Variants in BRD7 observed in about 807,000 individuals in gnomAD.
BRD7 encodes bromodomain containing 7.
BRD7 carries 15 observed loss-of-function variants against 82.1 expected under a neutral mutation model. The ratio of observed to expected loss-of-function variants is 0.18; its 90% CI spans 0.12 to 0.28. The LOEUF is 0.28. Ranked by LOEUF, BRD7 falls within the 10% of genes least tolerant of loss-of-function variation. The probability of loss-of-function intolerance (pLI) is 1.00; values close to 1 mark genes in which losing one functional copy is unlikely to be tolerated. For synonymous variants in BRD7, 232 were observed against 266.9 expected, an observed-to-expected ratio of 0.87 and a Z score of 1.27; for missense variants, 638 against 779.9, an observed-to-expected ratio of 0.82 and a Z score of 2.17.
chr16:50,354,506 G>C, intron 3 of BRD7, 24 bp from the exon 4 acceptor site: 3 of 1,595,028 alleles, frequency 1.9e-6, no homozygotes, highest in Non-Finnish European at 2.6e-6. Context: ...GAAGGGAAAA[G>C]GGTATTTTAA....
chr16:50,363,813 T>C (rs2039034140), intron 2 of BRD7, among the ~76,000 whole-genome samples: 1 of 152,192 alleles, frequency 6.6e-6, no homozygotes, highest in Non-Finnish European at 1.5e-5. Context: ...CTAGTACTTT[T>C]GGGAGGCTGA....
At chr16:50,321,012 G>A (rs1210648178) in intron 13 of BRD7, among the ~76,000 whole-genome samples, 1 of 152,192 alleles carries the variant, frequency 6.6e-6, no homozygotes, top group East Asian at 1.9e-4. Flanking sequence ...ATGTAATGAT[G>A]TATCTTATAC....
At chr16:50,342,138 C>T (rs1392677007) in intron 5 of BRD7, among the ~76,000 whole-genome samples, 6 of 152,056 alleles carry the variant, frequency 3.9e-5, no homozygotes, top group Non-Finnish European at 5.9e-5. Flanking sequence ...TTCTACTCTT[C>T]TTACTGTAAG....
At chr16:50,319,361 G>T in intron 16 of BRD7, 95 bp from the exon 17 acceptor site, 1 of 1,171,602 alleles carries the variant, frequency 8.5e-7, no homozygotes, top group Non-Finnish European at 1.2e-6. Context: ...AAGCATAACT[G>T]CTGAGAGCCC....
At chr16:50,349,544 GCCATGT>G in intron 5 of BRD7, 2 of 469,222 alleles carry the variant, frequency 4.3e-6, no homozygotes, top group Non-Finnish European at 8.8e-6. Flanking sequence ...GGTCTCTCCA[GCCATGT>G]GTCCTGTACA....
intron 5 of BRD7, among the ~76,000 whole-genome samples, chr16:50,347,632 C>A (rs558711157): frequency 1.4e-4 from 22 of 152,198 alleles, no homozygotes; most frequent in African/African-American, 4.6e-4. Context: ...AAACAGAGAG[C>A]CAAATCATGA....
intron 11 of BRD7, among the ~76,000 whole-genome samples, chr16:50,324,373 G>A (rs1236984394): frequency 1.3e-5 from 2 of 152,064 alleles, no homozygotes; most frequent in Non-Finnish European, 2.9e-5. Context: ...TATTCTCCAA[G>A]AGTAGCCAGG....
In BRD7 at chr16:50,341,026, A is replaced by T. The variant is rs190391273; in HGVS notation, c.592-940T>A. ...AAAATAAGTAGACTGAGTTCTATGT[A>T]CAAGTACGTAAGACTGAGTGAAGGG... On this transcript the variant is annotated intron_variant, in intron 5 of 16. Transcript: ENST00000394688. Among the ~76,000 whole-genome samples, 35 of 152,334 alleles carry T rather than the reference A, an allele frequency of 2.3e-4. No individual in the cohort carries two copies. In the South Asian group the frequency reaches 3.7e-3, roughly 16 times the overall value.
intron 12 of BRD7, 124 bp downstream of exon 12, chr16:50,323,463 G>T: frequency 1.3e-6 from 1 of 791,530 alleles, no homozygotes. Flanking sequence ...GCCGGGCTGG[G>T]CTGTCTTTCA....
intron 8 of BRD7, among the ~76,000 whole-genome samples, chr16:50,331,881 T>C (rs549337834): frequency 6.6e-6 from 1 of 151,976 alleles, no homozygotes; most frequent in South Asian, 2.1e-4. Flanking sequence ...TCGACAAAAA[T>C]AAACAAAGTA....
chr16:50,344,081 G>A (rs1393318495), intron 5 of BRD7, among the ~76,000 whole-genome samples: 2 of 152,096 alleles, frequency 1.3e-5, no homozygotes, highest in South Asian at 2.1e-4. Context: ...AGGAAGGATC[G>A]GGCAGCAACA....
In BRD7 at chr16:50,362,641, C is replaced by T. The variant is rs148234512; in HGVS notation, c.258+5449G>A. Among the ~76,000 whole-genome samples the T allele has an allele frequency of 9.1e-4, 138 of 152,260 alleles. 1 individual carries two copies. Among genetic ancestry groups the T allele is most frequent in the Non-Finnish European group, 1.6e-3 (109 of 68,016 alleles). ...TAGAAGGGAAGGACATTCCAACACA[C>T]GCTACAACAGACGAACCTTGAGGAC... On this transcript the variant is annotated intron_variant, in intron 2 of 16. Transcript: ENST00000394688.
chr16:50,321,638 C>T (rs1231923939), intron 13 of BRD7, among the ~76,000 whole-genome samples: 10 of 149,180 alleles, frequency 6.7e-5, no homozygotes. Context: ...TCAGGGGTTT[C>T]CATAACCTCA....
intron 6 of BRD7, among the ~76,000 whole-genome samples, chr16:50,338,165 T>G (rs2037895062): frequency 6.6e-6 from 1 of 152,188 alleles, no homozygotes; most frequent in Non-Finnish European, 1.5e-5. Flanking sequence ...AGCATTTCCA[T>G]GTCTTTAAAC....
intron 6 of BRD7, 79 bp downstream of exon 6, chr16:50,339,897 T>C (rs2151168289): frequency 4.1e-6 from 3 of 735,860 alleles, no homozygotes; most frequent in East Asian, 2.9e-5. Flanking sequence ...CAATACTGTA[T>C]TGTATCTGTA....
chr16:50,329,478 G>A (rs1184684724), intron 8 of BRD7, among the ~76,000 whole-genome samples: 1 of 152,202 alleles, frequency 6.6e-6, no homozygotes, highest in Non-Finnish European at 1.5e-5. Flanking sequence ...AACATGTGGT[G>A]AGCTAGTCAG....
chr16:50,318,947 G>GGACAT lies in BRD7; in HGVS notation c.*259_*263dup, dbSNP rs1407760197. The GGACAT allele has an allele frequency of 5.2e-6, 2 of 382,880 alleles. No individual in the cohort carries two copies. Among genetic ancestry groups the GGACAT allele is most frequent in the Non-Finnish European group, 9.4e-6 (2 of 212,092 alleles). The allele number at this position is 382,880 out of a possible 1,614,324, so 23.7% of individuals were successfully genotyped here. On this transcript the variant is annotated 3_prime_UTR_variant, in exon 17 of 17. Coordinates refer to ENST00000394688, the MANE Select transcript of BRD7 (RefSeq NM_013263.5). The stretch of plus-strand genomic sequence containing the variant: ...CTTCTTAGTGATGATCCTGTCTGTG[G>GGACAT]GACATAAGGAAGAAGCATTGGAAGG...
intron 7 of BRD7, 125 bp downstream of exon 7, chr16:50,334,586 C>A: frequency 3.5e-6 from 4 of 1,158,484 alleles, no homozygotes; most frequent in South Asian, 1.5e-5. Context: ...GACTTTCATG[C>A]CAAAACACCA....
intron 5 of BRD7, among the ~76,000 whole-genome samples, chr16:50,341,715 A>T (rs1015978836): frequency 4.6e-5 from 7 of 151,358 alleles, no homozygotes; most frequent in African/African-American, 1.7e-4. Context: ...CTAGATTACT[A>T]TATATACTCA....
Sources: allele counts gnomAD v4.1 joint callset (sites outside exome capture counted in the v4.1 genomes callset), GRCh38; gene constraint gnomAD v4.1.1; transcripts MANE v1.5; gene names NCBI Gene and HGNC (gene_info 2026-07-23, HGNC 2026-07-21).